The following KALRN variants were observed in gnomAD, a reference collection of about 807,000 sequenced individuals.
KALRN encodes kalirin RhoGEF kinase.
Under a neutral mutation model 353.7 loss-of-function variants are expected in KALRN, and 70 were observed. The observed-to-expected ratio is 0.20, with a 90% CI of 0.16 to 0.24. KALRN has a LOEUF of 0.24. Among genes scored for constraint, KALRN ranks in the 10% least tolerant of loss-of-function variants. The pLI is 1.00. For synonymous variants in KALRN, 1,391 were observed against 1,434.8 expected (o/e 0.97, Z 0.69); for missense variants, 2,791 against 3,756.7 (o/e 0.74, Z 6.72).
chr3:124,159,730 G>A (rs2069618139), intron 1 of KALRN, among the ~76,000 whole-genome samples: 1 of 152,164 alleles, frequency 6.6e-6, no homozygotes, highest in Non-Finnish European at 1.5e-5. Flanking sequence ...CAAAATGTGA[G>A]ATGAACACAT....
chr3:124,271,180 T>G (rs2074131589), intron 5 of KALRN, among the ~76,000 whole-genome samples: 1 of 152,192 alleles, frequency 6.6e-6, no homozygotes, highest in Non-Finnish European at 1.5e-5. Flanking sequence ...TCTTGAGGCC[T>G]GTTTTGCTCT....
chr3:124,516,293 C>A (rs1577650547), intron 33 of KALRN, among the ~76,000 whole-genome samples: 1 of 152,122 alleles, frequency 6.6e-6, no homozygotes, highest in East Asian at 1.9e-4. Flanking sequence ...GTCACACAAA[C>A]CTTGGTTCAG....
At chr3:124,524,581 A>G (rs1234314641) in intron 33 of KALRN, among the ~76,000 whole-genome samples, 1 of 152,248 alleles carries the variant, frequency 6.6e-6, no homozygotes. Flanking sequence ...GTTCACTGCA[A>G]CACAAGGACT....
At chr3:124,381,183 C>A (rs997503699) in intron 10 of KALRN, among the ~76,000 whole-genome samples, 1 of 152,102 alleles carries the variant, frequency 6.6e-6, no homozygotes, top group Non-Finnish European at 1.5e-5. Context: ...AGAAGCAATG[C>A]CCTTGCTGGG....
At chr3:124,120,707 T>TAA (rs1215877403) in intron 1 of KALRN, among the ~76,000 whole-genome samples, 1 of 64,308 alleles carries the variant, frequency 1.6e-5, no homozygotes, top group Non-Finnish European at 3.3e-5. Flanking sequence ...ATAGGAATAC[T>TAA]AAAAATATAT....
intron 3 of KALRN, among the ~76,000 whole-genome samples, chr3:124,258,038 C>A (rs530405894): frequency 6.6e-6 from 1 of 152,280 alleles, no homozygotes; most frequent in South Asian, 2.1e-4. Context: ...CGGGTCTGCT[C>A]AAACTGCTGT....
chr3:124,215,232 G>A (rs746093240), intron 1 of KALRN, among the ~76,000 whole-genome samples: 4 of 152,116 alleles, frequency 2.6e-5, no homozygotes, highest in Non-Finnish European at 5.9e-5. Context: ...TTACATCTGG[G>A]GCACCTGGGT....
chr3:124,334,313 A>G lies in KALRN; in HGVS notation c.1465A>G (p.Ser489Gly), dbSNP rs779499911. 1 of 1,614,226 alleles carries G rather than the reference A, an allele frequency of 6.2e-7. No homozygotes were observed. Among genetic ancestry groups the G allele is most frequent in the Non-Finnish European group, 8.5e-7 (1 of 1,180,044 alleles). Residue 489 changes from serine (S) to glycine (G), a missense_variant, in exon 9 of 60, where the codon AGC (serine) becomes GGC (glycine). By Grantham distance (56) the Ser-to-Gly change is moderately conservative. This residue lies in a region of KALRN where 366 missense variants were observed against 489.2 expected (regional missense o/e 0.75). Transcript: ENST00000682506. This position sits in a 1 kb window ranked among gnomAD's most constrained non-coding sequence, Gnocchi z 4.2. ...ALLDVLQRPL[S>G]PGNSESLTAT... Reference sequence around the variant, plus strand: ...ACTTGATGTGCTGCAGCGGCCCCTGAGCCCTGGGAACTCCGAATCCCTCAC... The same window carrying G: ...ACTTGATGTGCTGCAGCGGCCCCTGGGCCCTGGGAACTCCGAATCCCTCAC...
At chr3:124,570,220 A>G (rs1315864599) in intron 34 of KALRN, among the ~76,000 whole-genome samples, 4 of 152,252 alleles carry the variant, frequency 2.6e-5, no homozygotes, top group South Asian at 2.1e-4. Flanking sequence ...GGCTAAAAAA[A>G]TAATTAGAGG....
intron 1 of KALRN, among the ~76,000 whole-genome samples, chr3:124,218,033 G>A (rs1255402880): frequency 6.6e-6 from 1 of 152,202 alleles, no homozygotes; most frequent in African/African-American, 2.4e-5. Context: ...TTGGGTGAGA[G>A]GGTCTGCTCC....
rs972907922 is a variant in KALRN, at chr3:124,717,438, G to T, written c.8415+53G>T. On this transcript the variant is annotated intron_variant, in intron 59 of 59. Coordinates refer to ENST00000682506, the MANE Select transcript of KALRN (RefSeq NM_001388419.1). Reference sequence around the variant, plus strand: ...GCAGTGGCTCACGCCTGAAATCCCAGCACTTTGGGAGGCCAAGGTGGGCGG... The same window carrying T: ...GCAGTGGCTCACGCCTGAAATCCCATCACTTTGGGAGGCCAAGGTGGGCGG... 2.3e-5 allele frequency: 32 copies of T among 1,415,396 alleles called. No homozygotes were observed. In the South Asian group the frequency reaches 4.3e-4, roughly 19 times the overall value. 87.7% of individuals were successfully genotyped at this position (1,415,396 alleles called of 1,614,324 possible). A position where few individuals can be genotyped will look rare whatever the true frequency, so the allele number is the denominator to read the frequency against.
At chr3:124,619,695 C>T (rs2079063916) in intron 34 of KALRN, among the ~76,000 whole-genome samples, 3 of 152,030 alleles carry the variant, frequency 2.0e-5, no homozygotes, top group Non-Finnish European at 4.4e-5. Context: ...CCATGTTGTC[C>T]AGGCTGGTCT....
chr3:124,466,391 C>T (rs1024224450), intron 25 of KALRN, among the ~76,000 whole-genome samples: 3 of 152,122 alleles, frequency 2.0e-5, no homozygotes, highest in Non-Finnish European at 4.4e-5. Flanking sequence ...GAATATATTC[C>T]ATTAGTAGAT....
At chr3:124,575,953 G>A (rs926185225) in intron 34 of KALRN, among the ~76,000 whole-genome samples, 9 of 152,014 alleles carry the variant, frequency 5.9e-5, no homozygotes, top group South Asian at 2.1e-4. Context: ...CATCTTTGGC[G>A]GACGTTATTC....
chr3:124,109,678 ACATAT>A (rs1255574846), intron 1 of KALRN, among the ~76,000 whole-genome samples: 2 of 149,034 alleles, frequency 1.3e-5, no homozygotes, highest in South Asian at 2.1e-4. Flanking sequence ...ACTTTGATAT[ACATAT>A]CATATATATA....
rs563534505 is a variant in KALRN at position 124,434,220 on chromosome 3, A to G, written c.2830-87A>G. On this transcript the variant is annotated intron_variant, in intron 16 of 59. Transcript: ENST00000682506. ...ATTTAAAGCTCTTTAACTTCTCTGCATCTTTTCACTCACGCCTCACTCCAC... is the reference window on the plus strand; with the variant it reads ...ATTTAAAGCTCTTTAACTTCTCTGCGTCTTTTCACTCACGCCTCACTCCAC... 1.2e-3 allele frequency: 1,082 copies of G among 888,148 alleles called. 1 individual carries two copies. Among genetic ancestry groups the G allele is most frequent in the Non-Finnish European group, 1.7e-3 (970 of 557,034 alleles). The allele number at this position is 888,148 out of a possible 1,614,324, so 55.0% of individuals were successfully genotyped here. A position where few individuals can be genotyped will look rare whatever the true frequency, so the allele number is the denominator to read the frequency against.
At chr3:124,657,596 A>G (rs1230562530) in intron 40 of KALRN, 45 bp downstream of exon 40, 4 of 1,497,736 alleles carry the variant, frequency 2.7e-6, no homozygotes, top group Non-Finnish European at 2.8e-6. Context: ...CTGGGAATCC[A>G]GGACTTGAGT....
At chr3:124,218,285 A>G (rs2077543801) in intron 1 of KALRN, among the ~76,000 whole-genome samples, 1 of 152,188 alleles carries the variant, frequency 6.6e-6, no homozygotes, top group Admixed American at 6.5e-5. Flanking sequence ...AAGTATTAAT[A>G]TTATTGATAT....
chr3:124,285,816 G>A lies in KALRN; in HGVS notation c.970-12975G>A, dbSNP rs138621597. Among the ~76,000 whole-genome samples the A allele has an allele frequency of 3.2e-3, 489 of 152,224 alleles. 3 individuals carry two copies. The highest frequency in any genetic ancestry group is 0.011 in the African/African-American group (466 of 41,528). On this transcript the variant is annotated intron_variant, in intron 5 of 59. Transcript: ENST00000682506. ...CTCCCAAAGTGCTGGGATTACAGGC[G>A]TGAGCCACTGCACCCTGCTTAAAAA... is the stretch of plus-strand genomic sequence containing the variant.
Sources: gnomAD v4.1 joint callset for allele counts (sites outside exome capture counted in the v4.1 genomes callset) on GRCh38, gnomAD v4.1.1 for gene constraint, gnomAD v4.1.1 regional missense constraint, Gnocchi (gnomAD v3.1) non-coding constraint, MANE v1.5 for transcripts, NCBI Gene and HGNC (gene_info 2026-07-23, HGNC 2026-07-21) for gene names.